Variants in HIPK2 observed in about 807,000 individuals in gnomAD.
HIPK2 encodes the protein homeodomain interacting protein kinase 2.
A neutral mutation model predicts 113.7 loss-of-function variants in HIPK2; 27 were observed. The ratio of observed to expected loss-of-function variants is 0.24; its 90% CI spans 0.17 to 0.33. The LOEUF is 0.33. Among genes scored for constraint, HIPK2 ranks in the 10% least tolerant of loss-of-function variants. The pLI is 1.00. For synonymous variants in HIPK2, 631 were observed against 642.2 expected (o/e 0.98, Z 0.26); for missense variants, 1,257 against 1,588.0 (o/e 0.79, Z 3.54).
chr7:139,601,504 G>A (rs552194636), intron 10 of HIPK2, among the ~76,000 whole-genome samples: 29 of 152,290 alleles, frequency 1.9e-4, no homozygotes, highest in African/African-American at 7.0e-4. Flanking sequence ...CAATGCTCAG[G>A]CATATAGCAG....
intron 2 of HIPK2, among the ~76,000 whole-genome samples, chr7:139,663,471 C>T (rs1801938076): frequency 6.6e-6 from 1 of 152,128 alleles, no homozygotes; most frequent in Admixed American, 6.5e-5. Flanking sequence ...GGATATGACA[C>T]TATACTGAAA....
At position 139,620,485 on chromosome 7, in the gene HIPK2, G is replaced by C; in HGVS notation, c.1698C>G (p.Thr566=). The change falls in exon 7 of 15, where the codon ACC becomes ACG. Residue 566 remains threonine, a synonymous_variant. Transcript: ENST00000406875. Reference sequence around the variant, plus strand: ...TGGGGGCCACGTGCGTGATGAAAGGGGTTTTGCTCTGGTTCACCGTGTCAT... The same window carrying C: ...TGGGGGCCACGTGCGTGATGAAAGGCGTTTTGCTCTGGTTCACCGTGTCAT... ...NMYDTVNQSK[T]PFITHVAPST... 1 of 1,614,100 alleles carries C rather than the reference G, an allele frequency of 6.2e-7. No homozygotes were observed. The highest frequency in any genetic ancestry group is 8.5e-7 in the Non-Finnish European group (1 of 1,180,030).
chr7:139,599,558 G>A (rs897345548), intron 11 of HIPK2, among the ~76,000 whole-genome samples: 5 of 152,172 alleles, frequency 3.3e-5, no homozygotes, highest in Non-Finnish European at 1.5e-5. Flanking sequence ...AAGGGAATGG[G>A]AAAGATTTGT....
At chr7:139,705,033 C>T (rs2116876489) in intron 2 of HIPK2, among the ~76,000 whole-genome samples, 1 of 152,328 alleles carries the variant, frequency 6.6e-6, no homozygotes, top group South Asian at 2.1e-4. Context: ...ACCAACTAAC[C>T]ACACTCCCAA....
At chr7:139,713,360 G>A (rs1375370970) in intron 2 of HIPK2, among the ~76,000 whole-genome samples, 1 of 152,122 alleles carries the variant, frequency 6.6e-6, no homozygotes, top group Non-Finnish European at 1.5e-5. Flanking sequence ...CCTGAGCTAG[G>A]ATCCCCGATT....
chr7:139,706,711 C>G (rs1260252584), intron 2 of HIPK2, among the ~76,000 whole-genome samples: 1 of 152,224 alleles, frequency 6.6e-6, no homozygotes, highest in African/African-American at 2.4e-5. Context: ...ATCCCCAACT[C>G]CTCGCAAACG....
intron 11 of HIPK2, among the ~76,000 whole-genome samples, chr7:139,597,806 T>A (rs1247040162): frequency 2.0e-5 from 3 of 152,174 alleles, no homozygotes; most frequent in Non-Finnish European, 4.4e-5. Context: ...TGATTTTTGG[T>A]AACTTTAGGG....
intron 2 of HIPK2, among the ~76,000 whole-genome samples, chr7:139,670,751 CTTTCTTTCTTTTT>C (rs1327185796): frequency 6.3e-3 from 369 of 58,880 alleles, no homozygotes; most frequent in African/African-American, 0.015. Flanking sequence ...TTCTTTCTTT[CTTTCTTTCTTTTT>C]TTTTTTTTTT....
At chr7:139,729,341 G>C (rs190653217) in intron 1 of HIPK2, among the ~76,000 whole-genome samples, 4 of 120,396 alleles carry the variant, frequency 3.3e-5, no homozygotes, top group African/African-American at 9.3e-5. Context: ...GAGAGAGAGA[G>C]AGAGAGAGAG....
Position 139,620,497 on chromosome 7 carries a change from G to C in HIPK2, c.1686C>G (p.Asn562Lys). ...GCGTGATGAAAGGGGTTTTGCTCTGGTTCACCGTGTCATACATATTCACCC... is the reference window on the plus strand; with the variant it reads ...GCGTGATGAAAGGGGTTTTGCTCTGCTTCACCGTGTCATACATATTCACCC... ...KRRVNMYDTV[N>K]QSKTPFITHV... The change falls in exon 7 of 15, where the codon AAC becomes AAG. Residue 562 changes from asparagine (N) to lysine (K), a missense_variant. Physicochemically the swap from Asn to Lys is moderately conservative, Grantham distance 94. Around this residue, in one of 5 missense-constraint regions of HIPK2, gnomAD observed 862 missense variants for 1,004.3 expected, o/e 0.86. Coordinates refer to ENST00000406875, the MANE Select transcript of HIPK2 (RefSeq NM_022740.5). 6.2e-7 allele frequency: 1 copy of C among 1,614,136 alleles called. No individual in the cohort carries two copies. The highest frequency in any genetic ancestry group is 1.1e-5 in the South Asian group (1 of 91,074).
Position 139,613,216 on chromosome 7 carries a change from C to T in HIPK2, c.2098G>A (p.Gly700Ser), listed in dbSNP as rs369637010. 5 of 1,613,774 alleles carry T rather than the reference C, an allele frequency of 3.1e-6. No individual in the cohort carries two copies. Among genetic ancestry groups the T allele is most frequent in the Non-Finnish European group, 4.2e-6 (5 of 1,179,842 alleles). ...PGAQPLQIQP[G>S]LLAQQAWPSG... ...GAAAGAATTACCTGGGCAAGCAGACCTGGTTGGATCTGAAGAGGCTGAGCT... is the reference window on the plus strand; with the variant it reads ...GAAAGAATTACCTGGGCAAGCAGACTTGGTTGGATCTGAAGAGGCTGAGCT... Residue 700 changes from glycine (G) to serine (S), a missense_variant, in exon 9 of 15, where the codon GGT (glycine) becomes AGT (serine). Transcript: ENST00000406875. This position sits in a 1 kb window ranked among gnomAD's most constrained non-coding sequence, Gnocchi z 4.2.
intron 1 of HIPK2, among the ~76,000 whole-genome samples, chr7:139,719,295 CG>C (rs1554451279): frequency 6.6e-6 from 1 of 151,974 alleles, no homozygotes. Context: ...TTAGTAGAGA[CG>C]GGGTTTCATG....
In HIPK2 at chr7:139,572,763, T is replaced by TG; in HGVS notation, c.*163dup. On this transcript the variant is annotated 3_prime_UTR_variant, in exon 15 of 15. Coordinates refer to ENST00000406875, the MANE Select transcript of HIPK2 (RefSeq NM_022740.5). ...TGTCCCGACCCGTCCCCCTGCCCTC[T>TG]GCCCCCCCCCCCCCCCCCGCCCCTG... The TG allele has an allele frequency of 4.7e-5, 2 of 42,156 alleles. No individual in the cohort carries two copies. Among genetic ancestry groups the TG allele is most frequent in the South Asian group, 3.0e-4 (1 of 3,378 alleles). 2.6% of individuals were successfully genotyped at this position (42,156 alleles called of 1,614,324 possible).
At chr7:139,608,243 A>C (rs1440884918) in intron 9 of HIPK2, among the ~76,000 whole-genome samples, 3 of 129,452 alleles carry the variant, frequency 2.3e-5, no homozygotes, top group Non-Finnish European at 4.9e-5. Flanking sequence ...GCTATGTCTC[A>C]AAAAAATACG....
intron 12 of HIPK2, among the ~76,000 whole-genome samples, chr7:139,586,382 A>G (rs1177324036): frequency 6.6e-6 from 1 of 152,228 alleles, no homozygotes; most frequent in Non-Finnish European, 1.5e-5. Context: ...ACTATTCAAA[A>G]TACCAAGAGG....
rs1319936755 is a variant in HIPK2, at chr7:139,567,018, C to T, written c.*5909G>A. ...TTTCAGAAGCTGCAACAAGAGAAAC[C>T]TCTACTATGCTGGGTCCCTCTAGTG... On this transcript the variant is annotated 3_prime_UTR_variant, in exon 15 of 15. Transcript: ENST00000406875. 6.6e-6 allele frequency: 1 copy of T among 152,168 alleles called. No individual in the cohort carries two copies. The highest frequency in any genetic ancestry group is 1.5e-5 in the Non-Finnish European group (1 of 68,046). The allele number at this position is 152,168 out of a possible 1,614,324, so 9.4% of individuals were successfully genotyped here.
intron 10 of HIPK2, among the ~76,000 whole-genome samples, chr7:139,602,463 T>C (rs555885510): frequency 6.6e-6 from 1 of 152,166 alleles, no homozygotes; most frequent in Non-Finnish European, 1.5e-5. Flanking sequence ...AGGTAAGAGA[T>C]GTCAAAACGA....
intron 1 of HIPK2, among the ~76,000 whole-genome samples, chr7:139,727,585 G>A (rs1795621215): frequency 6.6e-6 from 1 of 152,206 alleles, no homozygotes; most frequent in African/African-American, 2.4e-5. Flanking sequence ...ATTTGTCAGA[G>A]TTACATGTTC....
At chr7:139,600,333 G>A (rs1569450404) in intron 11 of HIPK2, 84 bp downstream of exon 11, 4 of 1,449,116 alleles carry the variant, frequency 2.8e-6, no homozygotes, top group East Asian at 4.7e-5. Context: ...GTTCAGAGTG[G>A]GTGCTGATAC....
Sources: allele counts gnomAD v4.1 joint callset (sites outside exome capture counted in the v4.1 genomes callset), GRCh38; gene constraint gnomAD v4.1.1; regional missense constraint gnomAD v4.1.1; non-coding constraint Gnocchi (gnomAD v3.1); transcripts MANE v1.5; gene names NCBI Gene and HGNC (gene_info 2026-07-23, HGNC 2026-07-21).